PAK2: variants seen among roughly 807,000 people sequenced by gnomAD.
The protein encoded by PAK2 is serine/threonine-protein kinase PAK 2.
PAK2 carries 21 observed loss-of-function variants against 65.9 expected under a neutral mutation model. That is an observed-to-expected ratio of 0.32 (90% CI 0.23 to 0.46). PAK2 has a LOEUF of 0.46. Among genes scored for constraint, PAK2 ranks in the 20% least tolerant of loss-of-function variants. The pLI is 1.00. For missense variants in PAK2, 324 were observed against 642.6 expected (o/e 0.50, Z 5.36); for synonymous variants, 204 against 219.7 (o/e 0.93, Z 0.63).
chr3:196,811,869 A>G (rs558586149), intron 8 of PAK2, among the ~76,000 whole-genome samples: 1 of 152,242 alleles, frequency 6.6e-6, no homozygotes, highest in African/African-American at 2.4e-5. Flanking sequence ...TTTGGGAGGA[A>G]GGAGACTGCT....
chr3:196,745,154 CACT>C (rs1396040073), intron 1 of PAK2, among the ~76,000 whole-genome samples: 24 of 147,400 alleles, frequency 1.6e-4, no homozygotes, highest in African/African-American at 6.0e-4. Context: ...CTCACTCTGT[CACT>C]CAGGCTGGAG....
chr3:196,816,557 G>A (rs566695237), intron 11 of PAK2, among the ~76,000 whole-genome samples: 3 of 152,270 alleles, frequency 2.0e-5, no homozygotes, highest in South Asian at 4.1e-4. Context: ...ACTGTGACGA[G>A]TTTGTTTCTA....
intron 2 of PAK2, among the ~76,000 whole-genome samples, chr3:196,783,271 G>A (rs887427908): frequency 6.6e-6 from 1 of 152,152 alleles, no homozygotes; most frequent in Non-Finnish European, 1.5e-5. Context: ...CCTCAGAAGT[G>A]TCGGAGGCAG....
intron 1 of PAK2, among the ~76,000 whole-genome samples, chr3:196,749,166 G>T (rs1713487025): frequency 6.6e-6 from 1 of 151,692 alleles, no homozygotes; most frequent in African/African-American, 2.4e-5. Flanking sequence ...CACTTGGATT[G>T]CTTCCGTAAT....
intron 1 of PAK2, among the ~76,000 whole-genome samples, chr3:196,766,931 CGTGTGTGTGTGTGT>C (rs60929724): frequency 3.4e-4 from 46 of 134,406 alleles, no homozygotes; most frequent in South Asian, 2.1e-3. Flanking sequence ...AAGTACACCC[CGTGTGTGTGTGTGT>C]GTGTGTGTGT....
chr3:196,793,188 A>G (rs900793262), intron 2 of PAK2, among the ~76,000 whole-genome samples: 22 of 152,194 alleles, frequency 1.4e-4, no homozygotes, highest in Non-Finnish European at 2.4e-4. Flanking sequence ...CCGGAAGGAA[A>G]AAAGAATAAA....
Position 196,825,587 on chromosome 3 carries a change from G to A in PAK2, c.1351-1609G>A, listed in dbSNP as rs563278493. On this transcript the variant is annotated intron_variant, in intron 13 of 14. Transcript: ENST00000327134. Reference sequence around the variant, plus strand: ...GAACTCAGGAGGTGAAGGTTGCATCGAGCTGAGATCGTGCCATTGCATTCC... The same window carrying A: ...GAACTCAGGAGGTGAAGGTTGCATCAAGCTGAGATCGTGCCATTGCATTCC... 4.2e-4 allele frequency among the ~76,000 whole-genome samples: 64 copies of A among 152,006 alleles called. No individual in the cohort carries two copies. In the South Asian group the frequency reaches 6.9e-3, roughly 16 times the overall value.
Position 196,829,861 on chromosome 3 carries a change from AC to A in PAK2, c.*1458del, listed in dbSNP as rs1478375950. 1 of 152,062 alleles carries A rather than the reference AC, an allele frequency of 6.6e-6. No individual in the cohort carries two copies. Among genetic ancestry groups the A allele is most frequent in the African/African-American group, 2.4e-5 (1 of 41,396 alleles). The allele number at this position is 152,062 out of a possible 1,614,324, so 9.4% of individuals were successfully genotyped here. ...TTTTAAAGATTCTAAAAGGTCTGAGACCTGTAGCATTAATTATTTGAGTGCC... is the reference window on the plus strand; with the variant it reads ...TTTTAAAGATTCTAAAAGGTCTGAGACTGTAGCATTAATTATTTGAGTGCC... On this transcript the variant is annotated 3_prime_UTR_variant, in exon 15 of 15. Coordinates refer to ENST00000327134, the MANE Select transcript of PAK2 (RefSeq NM_002577.4).
chr3:196,819,924 A>G (rs1251795222), intron 12 of PAK2, among the ~76,000 whole-genome samples: 2 of 152,158 alleles, frequency 1.3e-5, no homozygotes, highest in East Asian at 3.9e-4. Flanking sequence ...GATCCCTCCC[A>G]TGTTGCCCAG....
intron 11 of PAK2, among the ~76,000 whole-genome samples, chr3:196,815,129 G>A (rs562823167): frequency 1.1e-4 from 16 of 150,996 alleles, no homozygotes; most frequent in African/African-American, 2.2e-4. Context: ...GCAGTGAGCC[G>A]AGATCACACC....
chr3:196,815,366 C>T (rs1024129973), intron 11 of PAK2, among the ~76,000 whole-genome samples: 2 of 151,702 alleles, frequency 1.3e-5, no homozygotes, highest in Non-Finnish European at 2.9e-5. Flanking sequence ...GTGGTGCACG[C>T]CTGTAATCCC....
intron 1 of PAK2, among the ~76,000 whole-genome samples, chr3:196,753,246 C>T (rs1035467536): frequency 6.6e-5 from 10 of 152,186 alleles, no homozygotes; most frequent in South Asian, 2.1e-4. Context: ...TGTGAGCCAC[C>T]GCGCCGGGCC....
chr3:196,794,887 G>C (rs576397866), intron 2 of PAK2, among the ~76,000 whole-genome samples: 1 of 152,214 alleles, frequency 6.6e-6, no homozygotes, highest in Admixed American at 6.5e-5. Context: ...AGGCAAACCT[G>C]GGCTTATGGT....
chr3:196,748,403 T>G (rs844546), intron 1 of PAK2, among the ~76,000 whole-genome samples: 70,925 of 152,002 alleles, frequency 0.47, 17,015 homozygotes, highest in Non-Finnish European at 0.53. Flanking sequence ...CAGTGGGTTT[T>G]GACAAATGTA....
intron 13 of PAK2, among the ~76,000 whole-genome samples, chr3:196,821,423 C>G (rs910192958): frequency 7.9e-5 from 12 of 152,016 alleles, no homozygotes; most frequent in African/African-American, 2.9e-4. Context: ...TATTGGTGAC[C>G]GGGTGCGGTG....
chr3:196,827,034 G>C (rs1711901642), intron 13 of PAK2, among the ~76,000 whole-genome samples, 162 bp from the exon 14 acceptor site: 1 of 152,184 alleles, frequency 6.6e-6, no homozygotes, highest in Non-Finnish European at 1.5e-5. Context: ...CTAAAAATAA[G>C]AGGAAAGTAT....
chr3:196,814,503 T>A lies in PAK2; in HGVS notation c.988T>A (p.Ser330Thr), dbSNP rs746285007. 1.3e-6 allele frequency: 2 copies of A among 1,558,488 alleles called. No individual in the cohort carries two copies. Among genetic ancestry groups the A allele is most frequent in the Non-Finnish European group, 8.8e-7 (1 of 1,135,724 alleles). The change falls in exon 11 of 15, where the codon TCA becomes ACA. Residue 330 changes from serine to threonine, a missense_variant. Ser to Thr is a moderately conservative substitution (Grantham distance 58). Transcript: ENST00000327134. ...GGTCATGGAATACCTTGCTGGGGGGTCACTCACTGATGTGGTAACAGAAAC... is the reference window on the plus strand; with the variant it reads ...GGTCATGGAATACCTTGCTGGGGGGACACTCACTGATGTGGTAACAGAAAC... ...FVVMEYLAGG[S>T]LTDVVTETCM...
chr3:196,803,953 T>C (rs919905011), intron 4 of PAK2, among the ~76,000 whole-genome samples: 2 of 152,226 alleles, frequency 1.3e-5, no homozygotes, highest in African/African-American at 4.8e-5. Context: ...AGTTGGTTGA[T>C]ACATCTCTTG....
At position 196,820,129 on chromosome 3, in the gene PAK2, A is replaced by C. The variant is rs532969684; in HGVS notation, c.1154-242A>C. ...GTTTTATTAAATTTTTTAGGATAGAATGAATTATTCAGAATAAAAGGCCTC... is the reference window on the plus strand; with the variant it reads ...GTTTTATTAAATTTTTTAGGATAGACTGAATTATTCAGAATAAAAGGCCTC... On this transcript the variant is annotated intron_variant, in intron 12 of 14. Coordinates refer to ENST00000327134, the MANE Select transcript of PAK2 (RefSeq NM_002577.4). This position sits in a 1 kb window ranked among gnomAD's most constrained non-coding sequence, Gnocchi z 4.6. 3.9e-5 allele frequency among the ~76,000 whole-genome samples: 6 copies of C among 152,258 alleles called. No individual in the cohort carries two copies. Among genetic ancestry groups the C allele is most frequent in the African/African-American group, 1.4e-4 (6 of 41,558 alleles).
Sources: allele counts gnomAD v4.1 joint callset (sites outside exome capture counted in the v4.1 genomes callset), GRCh38; gene constraint gnomAD v4.1.1; non-coding constraint Gnocchi (gnomAD v3.1); transcripts MANE v1.5; gene names NCBI Gene and HGNC (gene_info 2026-07-23, HGNC 2026-07-21).